PRR11: variants seen among roughly 807,000 people sequenced by gnomAD.
PRR11 encodes the protein proline rich 11, also known as proline-rich protein 11.
A neutral mutation model predicts 45.6 loss-of-function variants in PRR11; 30 were observed. The ratio of observed to expected loss-of-function variants is 0.66; its 90% CI spans 0.49 to 0.89. PRR11 has a LOEUF of 0.89. PRR11 is among the 40% of genes least tolerant of loss of function. The pLI, the probability that PRR11 is intolerant of heterozygous loss-of-function variation, is 0.00. For synonymous variants in PRR11, 128 were observed against 153.5 expected (o/e 0.83, Z 1.23); for missense variants, 373 against 424.8 (o/e 0.88, Z 1.07).
At chr17:59,157,869 G>A (rs771738692) in intron 1 of PRR11, among the ~76,000 whole-genome samples, 13 of 152,078 alleles carry the variant, frequency 8.5e-5, no homozygotes, top group Non-Finnish European at 1.6e-4. Flanking sequence ...ACTTGGAAGA[G>A]GATACTCTAA....
At chr17:59,165,246 TC>T (rs1338635940) in intron 1 of PRR11, among the ~76,000 whole-genome samples, 1 of 151,860 alleles carries the variant, frequency 6.6e-6, no homozygotes, top group African/African-American at 2.4e-5. Flanking sequence ...GGTCTCGATC[TC>T]CTGACCTCAT....
intron 8 of PRR11, 28 bp downstream of exon 8, chr17:59,197,631 T>C (rs1210798474): frequency 6.2e-7 from 1 of 1,611,494 alleles, no homozygotes; most frequent in South Asian, 1.1e-5. Flanking sequence ...CTTTATGCCT[T>C]CTACGTCCAT....
rs540276857 is a variant in PRR11, at chr17:59,172,366, G to A, written c.128+2486G>A. On this transcript the variant is annotated intron_variant, in intron 2 of 9. Transcript: ENST00000262293. ...ATTCCTAGAAGTGAGAGGTGACAGCGTGCTGGCAGCCCTCGCTCGCTTTCC... is the reference window on the plus strand; with the variant it reads ...ATTCCTAGAAGTGAGAGGTGACAGCATGCTGGCAGCCCTCGCTCGCTTTCC... Among the ~76,000 whole-genome samples the A allele has an allele frequency of 4.6e-5, 7 of 152,332 alleles. No homozygotes were observed. In the South Asian group the frequency reaches 1.5e-3, roughly 32 times the overall value.
intron 2 of PRR11, among the ~76,000 whole-genome samples, chr17:59,173,759 G>C (rs1420341074): frequency 6.6e-6 from 1 of 152,170 alleles, no homozygotes; most frequent in Non-Finnish European, 1.5e-5. Flanking sequence ...CCTGGTTCTG[G>C]GAGGACGACT....
At chr17:59,183,792 A>C in intron 2 of PRR11, among the ~76,000 whole-genome samples, 1 of 152,132 alleles carries the variant, frequency 6.6e-6, no homozygotes, top group South Asian at 2.1e-4. Context: ...TCGCATGTAC[A>C]AAAAGACTAA....
chr17:59,158,675 C>G (rs1344947365), intron 1 of PRR11, among the ~76,000 whole-genome samples: 1 of 151,852 alleles, frequency 6.6e-6, no homozygotes, highest in Non-Finnish European at 1.5e-5. Flanking sequence ...TTTCCTGGAG[C>G]CTTGAAATTT....
intron 2 of PRR11, among the ~76,000 whole-genome samples, chr17:59,173,404 C>A (rs1320332350): frequency 6.6e-6 from 1 of 152,236 alleles, no homozygotes; most frequent in Non-Finnish European, 1.5e-5. Context: ...AATCTTGCTA[C>A]TGGTCACTCT....
In PRR11 at chr17:59,197,802, G is replaced by A; in HGVS notation, c.1014+13G>A. The A allele has an allele frequency of 6.2e-7, 1 of 1,605,050 alleles. No homozygotes were observed. Among genetic ancestry groups the A allele is most frequent in the Non-Finnish European group, 8.5e-7 (1 of 1,172,194 alleles). On this transcript the variant is annotated intron_variant, in intron 9 of 9. Coordinates refer to ENST00000262293, the MANE Select transcript of PRR11 (RefSeq NM_018304.4). ...GAGAAAGTTTCAGGTAACCCTTTAG[G>A]AAAAGAATATTGGTTCCTTTGCTTG... is the stretch of plus-strand genomic sequence containing the variant.
At chr17:59,188,942 A>AAAT (rs56917280) in intron 4 of PRR11, among the ~76,000 whole-genome samples, 9,360 of 144,244 alleles carry the variant, frequency 0.065, 339 homozygotes, top group South Asian at 0.091. Context: ...TGTGTCTCAA[A>AAAT]AATAATAATA....
rs1480811393 is a variant in PRR11, at chr17:59,157,950, TA to T, written c.-6+2146del. Among the ~76,000 whole-genome samples the T allele has an allele frequency of 1.4e-4, 22 of 152,308 alleles. No individual in the cohort carries two copies. The South Asian group carries it at 3.7e-3, about 26-fold the overall frequency. Reference sequence around the variant, plus strand: ...TAGTATACCTGGAAGTACAAACCGCTAGTCACTAGAAGAGACTATGGCAAAG... The same window carrying T: ...TAGTATACCTGGAAGTACAAACCGCTGTCACTAGAAGAGACTATGGCAAAG... On this transcript the variant is annotated intron_variant, in intron 1 of 9. Coordinates refer to ENST00000262293, the MANE Select transcript of PRR11 (RefSeq NM_018304.4).
rs549441893 is a variant in PRR11, at chr17:59,172,571, A to G, written c.128+2691A>G. ...GGGCTGCGCGCTGCGCTTGCATGCCAGCTTGAGTTCTGGGTGGGCGTGGTT... is the reference window on the plus strand; with the variant it reads ...GGGCTGCGCGCTGCGCTTGCATGCCGGCTTGAGTTCTGGGTGGGCGTGGTT... On this transcript the variant is annotated intron_variant, in intron 2 of 9. Transcript: ENST00000262293. Among the ~76,000 whole-genome samples the G allele has an allele frequency of 7.9e-5, 12 of 152,246 alleles. No individual in the cohort carries two copies. In the East Asian group the frequency reaches 2.1e-3, roughly 27 times the overall value.
At chr17:59,187,822 G>A (rs1312686698) in intron 4 of PRR11, among the ~76,000 whole-genome samples, 6 of 147,330 alleles carry the variant, frequency 4.1e-5, no homozygotes, top group African/African-American at 7.6e-5. Context: ...CCGAGATCAC[G>A]CCACTGCACT....
Position 59,185,123 on chromosome 17 carries a change from T to C in PRR11, c.198T>C (p.Phe66=). 6.2e-7 allele frequency: 1 copy of C among 1,613,902 alleles called. No individual in the cohort carries two copies. Among genetic ancestry groups the C allele is most frequent in the Admixed American group, 1.7e-5 (1 of 60,000 alleles). ...TAACATCATCCTGGAACTTCAATTT[T>C]CCTAACATCAGAGATGCAATAAAAC... is the stretch of plus-strand genomic sequence containing the variant. The part of the protein sequence containing the change: ...SWLTSSWNFN[F]PNIRDAIKLW... Residue 66 remains phenylalanine, a synonymous_variant, in exon 3 of 10, where the codon TTT becomes TTC. Transcript: ENST00000262293.
intron 2 of PRR11, among the ~76,000 whole-genome samples, chr17:59,184,290 C>T (rs2046802832): frequency 6.6e-6 from 1 of 151,882 alleles, no homozygotes; most frequent in Admixed American, 6.6e-5. Context: ...GGTGAAACCC[C>T]GTCTCTACTA....
chr17:59,161,653 G>C (rs2046653518), intron 1 of PRR11, among the ~76,000 whole-genome samples: 1 of 152,152 alleles, frequency 6.6e-6, no homozygotes, highest in South Asian at 2.1e-4. Context: ...GGAGGCTGAG[G>C]CAGGAGGATT....
chr17:59,169,687 G>C lies in PRR11; in HGVS notation c.-5-61G>C, dbSNP rs796603623. ...TTCATTAACTATACACTTAAGATTT[G>C]TGTACTTTCTATATGTATATATTAT... On this transcript the variant is annotated intron_variant, in intron 1 of 9. Transcript: ENST00000262293. 7 of 1,374,616 alleles carry C rather than the reference G, an allele frequency of 5.1e-6. No homozygotes were observed. The South Asian group carries it at 1.0e-4, about 20-fold the overall frequency. The allele number at this position is 1,374,616 out of a possible 1,614,324, so 85.2% of individuals were successfully genotyped here.
chr17:59,179,589 G>T (rs1227816223), intron 2 of PRR11: 5 of 1,497,540 alleles, frequency 3.3e-6, no homozygotes, highest in Middle Eastern at 2.4e-4. Context: ...TGTGGTTATT[G>T]GAAGTTTCCT....
Position 59,181,609 on chromosome 17 carries a change from G to T in PRR11, c.129-3445G>T. The T allele has an allele frequency of 2.1e-6, 3 of 1,423,642 alleles. 1 individual carries two copies. In the South Asian group the frequency reaches 3.4e-5, roughly 16 times the overall value. 88.2% of individuals were successfully genotyped at this position (1,423,642 alleles called of 1,614,324 possible). A position where few individuals can be genotyped will look rare whatever the true frequency, so the allele number is the denominator to read the frequency against. ...CATTTTGAGCCCACACAGCATCTCC[G>T]CCACCCAGGTCTCCTCAGGCTCAGG... On this transcript the variant is annotated intron_variant, in intron 2 of 9. Coordinates refer to ENST00000262293, the MANE Select transcript of PRR11 (RefSeq NM_018304.4).
At chr17:59,176,398 T>G (rs2046745814) in intron 2 of PRR11, among the ~76,000 whole-genome samples, 1 of 152,074 alleles carries the variant, frequency 6.6e-6, no homozygotes, top group South Asian at 2.1e-4. Flanking sequence ...CCCCCAGGCT[T>G]GGGGAGAGAC....
Sources: gnomAD v4.1 joint callset for allele counts (sites outside exome capture counted in the v4.1 genomes callset) on GRCh38, gnomAD v4.1.1 for gene constraint, MANE v1.5 for transcripts, NCBI Gene and HGNC (gene_info 2026-07-23, HGNC 2026-07-21) for gene names.